The following COL22A1 variants were observed in gnomAD, a reference collection of about 807,000 sequenced individuals.
The protein encoded by COL22A1 is collagen type XXII alpha 1 chain.
Under a neutral mutation model 248.9 loss-of-function variants are expected in COL22A1, and 221 were observed. The observed-to-expected ratio is 0.89, with a 90% confidence interval of 0.80 to 0.99. The LOEUF (loss-of-function observed/expected upper bound fraction) is 0.99, where lower values mean the gene tolerates loss of function less well. COL22A1 is among the 50% of genes least tolerant of loss of function. The pLI, the probability that COL22A1 is intolerant of heterozygous loss-of-function variation, is 0.00. For missense variants in COL22A1, 2,240 were observed against 2,179.0 expected, an observed-to-expected ratio of 1.03 and a Z score of -0.56; for synonymous variants, 891 against 793.4, an observed-to-expected ratio of 1.12 and a Z score of -2.07.
intron 35 of COL22A1, among the ~76,000 whole-genome samples, chr8:138,692,344 GTATGTGTGCA>G (rs1463451694): frequency 6.9e-5 from 6 of 86,876 alleles, no homozygotes; most frequent in Non-Finnish European, 1.5e-4. Context: ...GTGGATGTGT[GTATGTGTGCA>G]CATGTGTGCA....
At chr8:138,804,905 G>C (rs1466275830) in intron 10 of COL22A1, among the ~76,000 whole-genome samples, 9 of 150,382 alleles carry the variant, frequency 6.0e-5, no homozygotes, top group Non-Finnish European at 1.0e-4. Flanking sequence ...TGTGTGGTGG[G>C]TGTGTGATGG....
intron 12 of COL22A1, among the ~76,000 whole-genome samples, chr8:138,785,184 T>G (rs1181879012): frequency 6.6e-6 from 1 of 152,138 alleles, no homozygotes; most frequent in East Asian, 1.9e-4. Flanking sequence ...CCTGCTCCCC[T>G]GGGGATACTG....
intron 40 of COL22A1, among the ~76,000 whole-genome samples, chr8:138,679,414 A>C (rs1345563285): frequency 6.6e-6 from 1 of 152,176 alleles, no homozygotes; most frequent in Non-Finnish European, 1.5e-5. Context: ...CCTAGTTTGT[A>C]TGCTTCCATG....
intron 53 of COL22A1, among the ~76,000 whole-genome samples, chr8:138,617,209 G>T (rs1460055623): frequency 1.3e-5 from 2 of 152,206 alleles, no homozygotes; most frequent in African/African-American, 4.8e-5. Flanking sequence ...ATGCCTCAGA[G>T]TGTTGGGGCA....
chr8:138,599,662 C>T (rs767288398), intron 60 of COL22A1, among the ~76,000 whole-genome samples: 5 of 151,970 alleles, frequency 3.3e-5, no homozygotes, highest in Admixed American at 6.6e-5. Flanking sequence ...GAGTTTGAGA[C>T]GGCAGTGAAC....
At chr8:138,736,091 G>A (rs1563686991) in intron 23 of COL22A1, among the ~76,000 whole-genome samples, 1 of 152,050 alleles carries the variant, frequency 6.6e-6, no homozygotes, top group Non-Finnish European at 1.5e-5. Context: ...CCCCCTGTGC[G>A]CTATGCCTCA....
intron 4 of COL22A1, among the ~76,000 whole-genome samples, chr8:138,838,664 G>A (rs1158962875): frequency 9.4e-6 from 1 of 106,764 alleles, no homozygotes; most frequent in Admixed American, 1.1e-4. Flanking sequence ...TGGCAGCAAA[G>A]GGCACCAAAA....
intron 41 of COL22A1, among the ~76,000 whole-genome samples, chr8:138,664,209 G>GCACA (rs1173353118): frequency 2.5e-3 from 254 of 103,148 alleles, no homozygotes; most frequent in African/African-American, 6.1e-3. Flanking sequence ...GCGCGCGCGC[G>GCACA]CACACACACA....
intron 50 of COL22A1, among the ~76,000 whole-genome samples, chr8:138,626,540 TC>T (rs1238910331): frequency 6.6e-6 from 1 of 152,188 alleles, no homozygotes; most frequent in Non-Finnish European, 1.5e-5. Context: ...AAGAAGCTAT[TC>T]GGGTTTTAGT....
At chr8:138,895,086 A>G (rs1300312716) in intron 1 of COL22A1, among the ~76,000 whole-genome samples, 1 of 151,806 alleles carries the variant, frequency 6.6e-6, no homozygotes, top group East Asian at 1.9e-4. Flanking sequence ...AAAGAAAAGA[A>G]AAAAAAACAC....
chr8:138,618,162 A>G (rs1819486385), intron 53 of COL22A1, among the ~76,000 whole-genome samples: 1 of 152,224 alleles, frequency 6.6e-6, no homozygotes, highest in South Asian at 2.1e-4. Context: ...AATGGGAGCT[A>G]TTATGACTGC....
chr8:138,732,790 T>C (rs1427833272), intron 23 of COL22A1, among the ~76,000 whole-genome samples: 1 of 152,228 alleles, frequency 6.6e-6, no homozygotes, highest in East Asian at 1.9e-4. Context: ...ACAGTGACTA[T>C]TTAATATGAT....
intron 43 of COL22A1, among the ~76,000 whole-genome samples, chr8:138,661,816 A>C (rs2130691845): frequency 6.6e-6 from 1 of 152,288 alleles, no homozygotes; most frequent in Admixed American, 6.5e-5. Context: ...AACTTAACAC[A>C]AACATAGGAA....
intron 16 of COL22A1, among the ~76,000 whole-genome samples, chr8:138,770,574 C>T (rs1834278164): frequency 6.6e-6 from 1 of 152,250 alleles, no homozygotes; most frequent in South Asian, 2.1e-4. Context: ...ACTGTCCCAC[C>T]CCATGTTGGG....
chr8:138,767,263 G>A (rs1361946749), intron 16 of COL22A1, among the ~76,000 whole-genome samples: 4 of 152,200 alleles, frequency 2.6e-5, no homozygotes, highest in African/African-American at 9.7e-5. Context: ...ATGGGCTTGG[G>A]GTAGGGGAAA....
rs2130657965 is a variant in COL22A1 at position 138,659,787 on chromosome 8, C to A, written c.3285+649G>T. Among the ~76,000 whole-genome samples the A allele has an allele frequency of 2.6e-5, 4 of 152,320 alleles. 1 individual carries two copies. The highest frequency in any genetic ancestry group is 6.8e-3 in the Middle Eastern group (2 of 294). On this transcript the variant is annotated intron_variant, in intron 44 of 64. Transcript: ENST00000303045. ...TCGGGCTGGACTGAGGCCACATTGC[C>A]AAGGAACCAACACTCAGGGCTGTCC...
chr8:138,604,936 G>T (rs1009149525), intron 58 of COL22A1, among the ~76,000 whole-genome samples, 167 bp from the exon 59 acceptor site: 3 of 152,172 alleles, frequency 2.0e-5, no homozygotes, highest in Admixed American at 2.0e-4. Flanking sequence ...GCCAGCCTGT[G>T]CAGGGGAAAG....
chr8:138,790,414 C>G (rs1403919088), intron 12 of COL22A1, among the ~76,000 whole-genome samples: 3 of 152,206 alleles, frequency 2.0e-5, no homozygotes. Context: ...GCACCACTTT[C>G]AGACCATGGT....
At chr8:138,697,033 C>T (rs957325029) in intron 32 of COL22A1, among the ~76,000 whole-genome samples, 4 of 152,096 alleles carry the variant, frequency 2.6e-5, no homozygotes, top group African/African-American at 4.8e-5. Context: ...TGTTGGTGAA[C>T]GGGACTGCAG....
Sources: allele counts gnomAD v4.1 joint callset (sites outside exome capture counted in the v4.1 genomes callset), GRCh38; gene constraint gnomAD v4.1.1; transcripts MANE v1.5; gene names NCBI Gene and HGNC (gene_info 2026-07-23, HGNC 2026-07-21).